CD44: variants seen among roughly 807,000 people sequenced by gnomAD.
The protein encoded by CD44 is CD44 molecule (IN blood group).
In CD44, 49 loss-of-function variants were observed where a neutral mutation model predicts 88.8. The observed-to-expected ratio is 0.55, with a 90% CI of 0.44 to 0.70. CD44 has a LOEUF of 0.70. Ranked by LOEUF, CD44 falls within the 30% of genes least tolerant of loss-of-function variation. CD44 has a pLI of 0.00. For missense variants in CD44, 883 were observed against 913.8 expected, an observed-to-expected ratio of 0.97 and a Z score of 0.43; for synonymous variants, 325 against 312.3, an observed-to-expected ratio of 1.04 and a Z score of -0.43.
At chr11:35,164,650 G>C (rs919034257) in intron 1 of CD44, among the ~76,000 whole-genome samples, 1 of 152,158 alleles carries the variant, frequency 6.6e-6, no homozygotes, top group African/African-American at 2.4e-5. Flanking sequence ...TATTTACCCA[G>C]CCCAGTCTCC....
chr11:35,206,211 T>A lies in CD44; in HGVS notation c.1382T>A (p.Met461Lys), dbSNP rs79985395. 6.2e-7 allele frequency: 1 copy of A among 1,611,010 alleles called. No individual in the cohort carries two copies. The highest frequency in any genetic ancestry group is 8.5e-7 in the Non-Finnish European group (1 of 1,178,616). ...TTCTTCAACCCAATCTCACACCCCATGGGACGAGGTCATCAAGCAGGAAGA... is the reference window on the plus strand; with the variant it reads ...TTCTTCAACCCAATCTCACACCCCAAGGGACGAGGTCATCAAGCAGGAAGA... ...TDFFNPISHP[M>K]GRGHQAGRRM... The change falls in exon 11 of 18, where the codon ATG (methionine) becomes AAG (lysine). Residue 461 changes from methionine to lysine, a missense_variant. Coordinates refer to ENST00000428726, the MANE Select transcript of CD44 (RefSeq NM_000610.4).
chr11:35,176,209 A>AT (rs902902536), intron 1 of CD44, among the ~76,000 whole-genome samples: 1 of 151,856 alleles, frequency 6.6e-6, no homozygotes, highest in African/African-American at 2.4e-5. Context: ...CGCCCAGCTA[A>AT]TTTTTTATAT....
intron 17 of CD44, chr11:35,222,275 T>C: frequency 1.9e-6 from 1 of 531,950 alleles, no homozygotes; most frequent in Non-Finnish European, 3.4e-6. Flanking sequence ...AGTATTGGCC[T>C]TGTGCTTTTG....
chr11:35,181,914 T>TATATTATATA (rs1400104217), intron 3 of CD44, among the ~76,000 whole-genome samples: 1 of 67,706 alleles, frequency 1.5e-5, no homozygotes, highest in African/African-American at 8.7e-5. Context: ...ATAATATATA[T>TATATTATATA]TATATATTAT....
intron 4 of CD44, among the ~76,000 whole-genome samples, chr11:35,187,559 C>T (rs975139412): frequency 3.0e-4 from 46 of 152,212 alleles, no homozygotes; most frequent in African/African-American, 1.1e-3. Context: ...ACATGGAAAA[C>T]CAACATCACA....
intron 17 of CD44, among the ~76,000 whole-genome samples, chr11:35,227,610 A>C (rs1355327279): frequency 2.0e-5 from 3 of 152,182 alleles, no homozygotes; most frequent in Non-Finnish European, 4.4e-5. Context: ...GCTAGAGGAG[A>C]CAGGATCTAC....
chr11:35,179,408 T>G (rs1944778730), intron 2 of CD44, among the ~76,000 whole-genome samples: 1 of 152,196 alleles, frequency 6.6e-6, no homozygotes, highest in Non-Finnish European at 1.5e-5. Flanking sequence ...TTAGCACAAT[T>G]AAAAAATAAG....
intron 4 of CD44, among the ~76,000 whole-genome samples, chr11:35,187,164 C>T (rs1471652805): frequency 6.6e-6 from 1 of 152,056 alleles, no homozygotes. Context: ...ATCCCAGCTG[C>T]TCAGGAGGCT....
intron 1 of CD44, among the ~76,000 whole-genome samples, chr11:35,174,801 G>A (rs993719131): frequency 6.6e-6 from 1 of 152,166 alleles, no homozygotes; most frequent in Non-Finnish European, 1.5e-5. Context: ...TGAGTCATTC[G>A]TTTATATAAC....
At chr11:35,181,560 A>C (rs1944989355) in intron 3 of CD44, among the ~76,000 whole-genome samples, 1 of 150,694 alleles carries the variant, frequency 6.6e-6, no homozygotes, top group Non-Finnish European at 1.5e-5. Flanking sequence ...AACTTGGTAC[A>C]TCTTGCTGGA....
At chr11:35,145,673 G>A (rs1352129877) in intron 1 of CD44, among the ~76,000 whole-genome samples, 1 of 152,192 alleles carries the variant, frequency 6.6e-6, no homozygotes, top group Admixed American at 6.5e-5. Flanking sequence ...TTATTTTGGA[G>A]ATACTGATAC....
At chr11:35,172,689 C>T (rs1162596121) in intron 1 of CD44, among the ~76,000 whole-genome samples, 4 of 152,084 alleles carry the variant, frequency 2.6e-5, no homozygotes, top group East Asian at 3.8e-4. Context: ...CATTCTTCCA[C>T]CTAAGCTTCA....
intron 15 of CD44, 134 bp downstream of exon 15, chr11:35,215,048 G>A (rs146849078): frequency 1.5e-4 from 71 of 472,520 alleles, no homozygotes; most frequent in African/African-American, 1.2e-3. Context: ...ATTGCAGGGA[G>A]GGCTTATTAA....
intron 17 of CD44, among the ~76,000 whole-genome samples, chr11:35,227,778 T>C (rs1464720104): frequency 6.6e-6 from 1 of 152,232 alleles, no homozygotes; most frequent in Admixed American, 6.5e-5. Context: ...TCTGACTTCA[T>C]ACTGTTTCCA....
intron 1 of CD44, among the ~76,000 whole-genome samples, chr11:35,142,769 C>T (rs896866995): frequency 6.6e-6 from 1 of 152,166 alleles, no homozygotes; most frequent in Non-Finnish European, 1.5e-5. Context: ...TCCCAAATTT[C>T]CCCACAAAGG....
chr11:35,229,233 T>A lies in CD44; in HGVS notation c.2129T>A (p.Val710Glu). The change falls in exon 18 of 18, where the codon GTG (valine) becomes GAG (glutamate). Residue 710 changes from valine to glutamate, a missense_variant. By Grantham distance (121) the Val-to-Glu change is moderately radical (BLOSUM62 -2). Around this residue, in one of 2 missense-constraint regions of CD44, gnomAD observed 631 missense variants for 590.9 expected, o/e 1.07. Transcript: ENST00000428726. ...NGEASKSQEM[V>E]HLVNKESSET... Reference sequence around the variant, plus strand: ...GAGGCCAGCAAGTCTCAGGAAATGGTGCATTTGGTGAACAAGGAGTCGTCA... The same window carrying A: ...GAGGCCAGCAAGTCTCAGGAAATGGAGCATTTGGTGAACAAGGAGTCGTCA... 1 of 1,613,958 alleles carries A rather than the reference T, an allele frequency of 6.2e-7. No homozygotes were observed. The highest frequency in any genetic ancestry group is 1.1e-5 in the South Asian group (1 of 91,068).
chr11:35,171,489 C>A (rs764091826), intron 1 of CD44, among the ~76,000 whole-genome samples: 5 of 152,150 alleles, frequency 3.3e-5, no homozygotes, highest in African/African-American at 7.2e-5. Context: ...CCTGCTTAAG[C>A]CTTCACATCT....
At position 35,201,677 on chromosome 11, in the gene CD44, A is replaced by T. The variant is rs1363214253; in HGVS notation, c.1043A>T (p.Asp348Val). Residue 348 changes from aspartate to valine, a missense_variant, in exon 9 of 18, where the codon GAC becomes GTC. Physicochemically the swap from Asp to Val is radical, Grantham distance 152. Transcript: ENST00000428726. ...LQTTTRMTDV[D>V]RNGTTAYEGN... ...TTAACCATCATCACAGCAGATGTAGACAGAAATGGCACCACTGCTTATGAA... is the reference window on the plus strand; with the variant it reads ...TTAACCATCATCACAGCAGATGTAGTCAGAAATGGCACCACTGCTTATGAA... 6.8e-6 allele frequency: 11 copies of T among 1,613,634 alleles called. 1 individual carries two copies. The South Asian group carries it at 1.1e-4, about 16-fold the overall frequency.
Position 35,229,854 on chromosome 11 carries a change from G to A in CD44, c.*521G>A, listed in dbSNP as rs1949973158. ...CTAGAAATTTTTCAGATGCTTCTGG[G>A]AGACACCCAAAGGGTGAAGCTATTT... is the stretch of plus-strand genomic sequence containing the variant. On this transcript the variant is annotated 3_prime_UTR_variant, in exon 18 of 18. Coordinates refer to ENST00000428726, the MANE Select transcript of CD44 (RefSeq NM_000610.4). 6.3e-6 allele frequency: 1 copy of A among 158,110 alleles called. No homozygotes were observed. Among genetic ancestry groups the A allele is most frequent in the Non-Finnish European group, 1.4e-5 (1 of 71,528 alleles). The allele number at this position is 158,110 out of a possible 1,614,324, so 9.8% of individuals were successfully genotyped here.
Sources: allele counts gnomAD v4.1 joint callset (sites outside exome capture counted in the v4.1 genomes callset), GRCh38; gene constraint gnomAD v4.1.1; regional missense constraint gnomAD v4.1.1; transcripts MANE v1.5; gene names NCBI Gene and HGNC (gene_info 2026-07-23, HGNC 2026-07-21).